SAMD3: variants seen among roughly 807,000 people sequenced by gnomAD.
The protein encoded by SAMD3 is sterile alpha motif domain-containing protein 3.
In SAMD3, 63 loss-of-function variants were observed where a neutral mutation model predicts 58.5. The ratio of observed to expected loss-of-function variants is 1.08; its 90% CI spans 0.88 to 1.33. SAMD3 has a LOEUF of 1.33. Ranked by LOEUF, SAMD3 falls within the 40% of genes most tolerant of loss-of-function variation. SAMD3 has a pLI of 0.00. For synonymous variants in SAMD3, 220 were observed against 210.3 expected (o/e 1.05, Z -0.40); for missense variants, 604 against 608.4 (o/e 0.99, Z 0.08).
chr6:130,304,895 C>T (rs1259672531), intron 2 of SAMD3, among the ~76,000 whole-genome samples: 1 of 141,722 alleles, frequency 7.1e-6, no homozygotes, highest in East Asian at 2.0e-4. Flanking sequence ...TACTTAGTTG[C>T]TACTATAAAC....
At chr6:130,339,932 G>A (rs1777219731) in intron 1 of SAMD3, among the ~76,000 whole-genome samples, 1 of 152,072 alleles carries the variant, frequency 6.6e-6, no homozygotes, top group Admixed American at 6.5e-5. Context: ...CTCCATTTAT[G>A]TAATCATCTA....
At chr6:130,301,800 C>G (rs1775757982) in intron 2 of SAMD3, among the ~76,000 whole-genome samples, 1 of 152,036 alleles carries the variant, frequency 6.6e-6, no homozygotes, top group Admixed American at 6.6e-5. Flanking sequence ...AAAGCCACAC[C>G]TACAACCAAC....
chr6:130,269,833 C>T (rs1369253417), intron 2 of SAMD3, among the ~76,000 whole-genome samples: 1 of 151,868 alleles, frequency 6.6e-6, no homozygotes, highest in Non-Finnish European at 1.5e-5. Flanking sequence ...TTTCCTCAGT[C>T]TAAGAACTTA....
At chr6:130,165,904 A>G (rs2114631781) in intron 8 of SAMD3, among the ~76,000 whole-genome samples, 1 of 152,290 alleles carries the variant, frequency 6.6e-6, no homozygotes, top group Admixed American at 6.5e-5. Context: ...GAAAGGATGA[A>G]CATCGAGCTA....
At chr6:130,297,825 C>A (rs923769894) in intron 2 of SAMD3, among the ~76,000 whole-genome samples, 6 of 151,864 alleles carry the variant, frequency 4.0e-5, no homozygotes, top group Non-Finnish European at 8.8e-5. Flanking sequence ...CCCAGTCAGA[C>A]AAAAATCAAG....
intron 2 of SAMD3, among the ~76,000 whole-genome samples, chr6:130,263,499 C>G (rs888650350): frequency 1.3e-5 from 2 of 152,110 alleles, no homozygotes; most frequent in African/African-American, 2.4e-5. Flanking sequence ...ATAGACTCAT[C>G]ATGCCCGACT....
At chr6:130,162,147 T>C in intron 8 of SAMD3, 2 of 653,342 alleles carry the variant, frequency 3.1e-6, no homozygotes, top group African/African-American at 1.8e-5. Context: ...CTATGCTTCC[T>C]TTACCACACC....
At chr6:130,173,049 G>A (rs912626307) in intron 8 of SAMD3, among the ~76,000 whole-genome samples, 2 of 152,066 alleles carry the variant, frequency 1.3e-5, no homozygotes, top group African/African-American at 4.8e-5. Context: ...GCTCCATCAG[G>A]TCATTTATGT....
intron 2 of SAMD3, among the ~76,000 whole-genome samples, chr6:130,247,460 C>T (rs1773588690): frequency 6.7e-6 from 1 of 148,454 alleles, no homozygotes; most frequent in South Asian, 2.1e-4. Context: ...GAGTGAGACT[C>T]CATCTCAAAA....
At chr6:130,150,872 C>T (rs1043506413) in intron 9 of SAMD3, among the ~76,000 whole-genome samples, 7 of 151,872 alleles carry the variant, frequency 4.6e-5, no homozygotes, top group African/African-American at 9.7e-5. Context: ...CCACCACACC[C>T]GGCTAATTTT....
rs753730860 is a variant in SAMD3, at chr6:130,215,824, A to G, written c.-21-530T>C. On this transcript the variant is annotated intron_variant, in intron 2 of 11. Transcript: ENST00000439090. ...CTTGCTTCTCCTGGCTAGGAGAAGG[A>G]GATTGTAACTTGCTGCTTCTCATTG... 2.0e-6 allele frequency: 3 copies of G among 1,534,910 alleles called. No homozygotes were observed. In the South Asian group the frequency reaches 3.6e-5, roughly 18 times the overall value.
chr6:130,286,953 G>T (rs1231787402), intron 2 of SAMD3, among the ~76,000 whole-genome samples: 1 of 152,092 alleles, frequency 6.6e-6, no homozygotes, highest in East Asian at 1.9e-4. Flanking sequence ...CAAAGAATCT[G>T]CCTGCCTCGG....
chr6:130,194,460 A>C (rs1227261913), intron 5 of SAMD3, among the ~76,000 whole-genome samples: 2 of 152,130 alleles, frequency 1.3e-5, no homozygotes, highest in African/African-American at 2.4e-5. Context: ...AATTAACCTC[A>C]CCTTCAAGGT....
Position 130,365,235 on chromosome 6 carries a change from A to G in SAMD3, c.-419T>C, listed in dbSNP as rs143887795. 8.1e-4 allele frequency: 801 copies of G among 985,532 alleles called. 7 individuals are homozygous for G. The African/African-American group carries it at 0.013, about 16-fold the overall frequency. The allele number at this position is 985,532 out of a possible 1,614,324, so 61.0% of individuals were successfully genotyped here. On this transcript the variant is annotated 5_prime_UTR_variant, in exon 1 of 14. Transcript: ENST00000368134. ...TGGATGTTTGGGGTCAAGGAGGAGTAACCTGAACCTCTCGTTGGCTTTGAT... is the reference window on the plus strand; with the variant it reads ...TGGATGTTTGGGGTCAAGGAGGAGTGACCTGAACCTCTCGTTGGCTTTGAT...
rs114943094 is a variant in SAMD3, at chr6:130,201,991, A to G, written c.383+7504T>C. ...CTACCAGACTCTGAATTCCCCAAGG[A>G]AAGGAATAAAGTATCCATCCCCAAC... is the stretch of plus-strand genomic sequence containing the variant. On this transcript the variant is annotated intron_variant, in intron 5 of 11. Transcript: ENST00000439090. Among the ~76,000 whole-genome samples, 698 of 152,320 alleles carry G rather than the reference A, an allele frequency of 4.6e-3. 7 individuals carry two copies. Among genetic ancestry groups the G allele is most frequent in the Middle Eastern group, 0.024 (7 of 294 alleles).
At chr6:130,210,492 G>T (rs763783188) in intron 4 of SAMD3, among the ~76,000 whole-genome samples, 43 of 151,918 alleles carry the variant, frequency 2.8e-4, no homozygotes, top group Non-Finnish European at 5.6e-4. Context: ...TCAGCTACTT[G>T]GGAGACTGAG....
At chr6:130,166,427 T>C (rs941112035) in intron 8 of SAMD3, among the ~76,000 whole-genome samples, 1 of 152,216 alleles carries the variant, frequency 6.6e-6, no homozygotes, top group Non-Finnish European at 1.5e-5. Flanking sequence ...ATGAACCACT[T>C]TCTCAACACC....
chr6:130,268,505 C>T (rs986376362), intron 2 of SAMD3, among the ~76,000 whole-genome samples: 1 of 152,160 alleles, frequency 6.6e-6, no homozygotes, highest in Non-Finnish European at 1.5e-5. Flanking sequence ...ACTCACCACT[C>T]ACTCACCCAC....
At chr6:130,322,097 C>T (rs1317281438) in intron 1 of SAMD3, among the ~76,000 whole-genome samples, 2 of 152,174 alleles carry the variant, frequency 1.3e-5, no homozygotes, top group Non-Finnish European at 2.9e-5. Flanking sequence ...ACTATGGGAA[C>T]TCATTAGTGA....
Sources: allele counts gnomAD v4.1 joint callset (sites outside exome capture counted in the v4.1 genomes callset), GRCh38; gene constraint gnomAD v4.1.1; transcripts MANE v1.5; gene names NCBI Gene and HGNC (gene_info 2026-07-23, HGNC 2026-07-21).